MARCHF1: variants seen among roughly 807,000 people sequenced by gnomAD.
MARCHF1 encodes the protein E3 ubiquitin-protein ligase MARCHF1.
Under a neutral mutation model 54.2 loss-of-function variants are expected in MARCHF1, and 40 were observed. The ratio of observed to expected loss-of-function variants is 0.74; its 90% CI spans 0.57 to 0.96. The LOEUF (loss-of-function observed/expected upper bound fraction) is 0.96, where lower values mean the gene tolerates loss of function less well. Ranked by LOEUF, MARCHF1 falls within the 40% of genes least tolerant of loss-of-function variation. MARCHF1 has a pLI of 0.00. For missense variants in MARCHF1, 586 were observed against 656.5 expected (o/e 0.89, Z 1.17); for synonymous variants, 236 against 236.3 (o/e 1.00, Z 0.01).
At chr4:164,348,520 G>T (rs953858852) in intron 1 of MARCHF1, among the ~76,000 whole-genome samples, 15 of 152,216 alleles carry the variant, frequency 9.9e-5, no homozygotes, top group Non-Finnish European at 2.1e-4. Context: ...GCTCTCCTTG[G>T]TGCTACATGA....
chr4:163,639,660 T>C (rs559354779), intron 5 of MARCHF1, among the ~76,000 whole-genome samples: 2 of 152,236 alleles, frequency 1.3e-5, no homozygotes, highest in East Asian at 3.9e-4. Flanking sequence ...CTAAAAATCT[T>C]CCCTGCTTGT....
intron 1 of MARCHF1, among the ~76,000 whole-genome samples, chr4:164,325,695 C>G (rs998125474): frequency 1.3e-5 from 2 of 151,860 alleles, no homozygotes; most frequent in Non-Finnish European, 2.9e-5. Context: ...CCACTGTACT[C>G]CAGCCTGGGT....
At chr4:163,717,876 G>C (rs1044974211) in intron 4 of MARCHF1, among the ~76,000 whole-genome samples, 1 of 152,012 alleles carries the variant, frequency 6.6e-6, no homozygotes, top group Non-Finnish European at 1.5e-5. Flanking sequence ...CGTCCTGGAG[G>C]CATCATGCTA....
intron 1 of MARCHF1, among the ~76,000 whole-genome samples, chr4:164,285,819 TAA>T (rs78385104): frequency 0.12 from 11,086 of 95,568 alleles, 623 homozygotes; most frequent in African/African-American, 0.21. Flanking sequence ...TGTAGTTCTT[TAA>T]AAAAAAAAAA....
chr4:163,808,160 T>C (rs547753961), intron 4 of MARCHF1, among the ~76,000 whole-genome samples: 1 of 152,346 alleles, frequency 6.6e-6, no homozygotes, highest in East Asian at 1.9e-4. Context: ...GCAATGTAAC[T>C]GCAACAAAAC....
chr4:164,075,636 C>T (rs1290417135), intron 2 of MARCHF1, among the ~76,000 whole-genome samples: 1 of 152,164 alleles, frequency 6.6e-6, no homozygotes, highest in Non-Finnish European at 1.5e-5. Flanking sequence ...ATAACTGATA[C>T]GTAGGTCAAA....
intron 3 of MARCHF1, among the ~76,000 whole-genome samples, chr4:163,860,223 G>A (rs1002841055): frequency 3.3e-5 from 5 of 152,158 alleles, no homozygotes; most frequent in Admixed American, 1.3e-4. Context: ...AAATTCTTAA[G>A]CTGTATCTTC....
At chr4:163,661,280 G>A (rs898272894) in intron 5 of MARCHF1, among the ~76,000 whole-genome samples, 1 of 151,934 alleles carries the variant, frequency 6.6e-6, no homozygotes, top group Non-Finnish European at 1.5e-5. Flanking sequence ...CATCTTGCTA[G>A]AAGTTATATT....
At chr4:163,546,380 G>A (rs974778525) in intron 8 of MARCHF1, among the ~76,000 whole-genome samples, 1 of 152,162 alleles carries the variant, frequency 6.6e-6, no homozygotes, top group African/African-American at 2.4e-5. Context: ...TTCCTCATCT[G>A]TACCAAGAAT....
At chr4:163,911,228 TG>T (rs1188609070) in intron 3 of MARCHF1, among the ~76,000 whole-genome samples, 1 of 152,190 alleles carries the variant, frequency 6.6e-6, no homozygotes, top group African/African-American at 2.4e-5. Flanking sequence ...CTTCAGAGGA[TG>T]GGGTGATTGA....
At chr4:163,779,950 C>T (rs1747417014) in intron 4 of MARCHF1, among the ~76,000 whole-genome samples, 1 of 152,172 alleles carries the variant, frequency 6.6e-6, no homozygotes, top group Non-Finnish European at 1.5e-5. Flanking sequence ...GAAAGCAGTG[C>T]AGCTGAGGGT....
At chr4:163,722,016 T>C (rs1745486031) in intron 4 of MARCHF1, among the ~76,000 whole-genome samples, 1 of 152,146 alleles carries the variant, frequency 6.6e-6, no homozygotes, top group African/African-American at 2.4e-5. Flanking sequence ...GGTGTTTTTG[T>C]GTTTTTATCT....
chr4:163,527,558 T>A lies in MARCHF1; in HGVS notation c.*1190A>T, dbSNP rs1224899124. ...TTTCTATACTTTTGGATTTTTACCCTTTAGAGATGTGAACTTCATCTGACT... is the reference window on the plus strand; with the variant it reads ...TTTCTATACTTTTGGATTTTTACCCATTAGAGATGTGAACTTCATCTGACT... On this transcript the variant is annotated 3_prime_UTR_variant, in exon 10 of 10. Transcript: ENST00000514618. The A allele has an allele frequency of 6.6e-6, 1 of 152,104 alleles. No homozygotes were observed. The allele number at this position is 152,104 out of a possible 1,614,324, so 9.4% of individuals were successfully genotyped here.
chr4:163,612,332 T>C lies in MARCHF1; in HGVS notation c.949A>G (p.Asn317Asp). The C allele has an allele frequency of 6.5e-7, 1 of 1,534,264 alleles. No individual in the cohort carries two copies. Among genetic ancestry groups the C allele is most frequent in the Middle Eastern group, 1.7e-4 (1 of 5,966 alleles). ...DMNDAGLQVN[N>D]PVQKPPATYD... The stretch of plus-strand genomic sequence containing the variant: ...GTGGCAGGAGGCTTCTGAACAGGGT[T>C]ATTCACCTGGAGCCCTGCATCATTC... The change falls in exon 7 of 10, where the codon AAC becomes GAC. Residue 317 changes from asparagine (N) to aspartate (D), a missense_variant. Coordinates refer to ENST00000514618, the MANE Select transcript of MARCHF1 (RefSeq NM_001394959.1).
intron 1 of MARCHF1, among the ~76,000 whole-genome samples, chr4:164,291,125 G>A (rs888190277): frequency 7.9e-5 from 12 of 151,890 alleles, no homozygotes; most frequent in African/African-American, 2.9e-4. Context: ...CAAAGCATAT[G>A]ATCAGATTAC....
chr4:163,886,037 T>G (rs1750523861), intron 3 of MARCHF1, among the ~76,000 whole-genome samples: 1 of 148,278 alleles, frequency 6.7e-6, no homozygotes, highest in Non-Finnish European at 1.5e-5. Flanking sequence ...AAAAATAGCC[T>G]GGTATGATAG....
chr4:164,093,468 T>C (rs1212353293), intron 2 of MARCHF1, among the ~76,000 whole-genome samples: 1 of 152,174 alleles, frequency 6.6e-6, no homozygotes, highest in East Asian at 1.9e-4. Flanking sequence ...AAGTAATAAC[T>C]AGATCAATCT....
At chr4:164,131,395 C>T (rs1052121873) in intron 1 of MARCHF1, among the ~76,000 whole-genome samples, 2 of 148,668 alleles carry the variant, frequency 1.3e-5, no homozygotes, top group African/African-American at 2.5e-5. Context: ...AAAATTCTTT[C>T]TGTCAGAGCA....
At chr4:164,188,146 A>G (rs910105978) in intron 1 of MARCHF1, among the ~76,000 whole-genome samples, 1 of 152,250 alleles carries the variant, frequency 6.6e-6, no homozygotes, top group African/African-American at 2.4e-5. Flanking sequence ...GAATGCCTAC[A>G]GTCCCAGAAA....
Sources: gnomAD v4.1 joint callset for allele counts (sites outside exome capture counted in the v4.1 genomes callset) on GRCh38, gnomAD v4.1.1 for gene constraint, MANE v1.5 for transcripts, NCBI Gene and HGNC (gene_info 2026-07-23, HGNC 2026-07-21) for gene names.